Variants in NHSL3 observed in about 807,000 individuals in gnomAD.
NHSL3 encodes the protein NHS like 3, also known as NHS-like protein 3.
At chr1:32,756,680 AAGAAT>A in the NHSL3 span, among the ~76,000 whole-genome samples, 1 of 148,372 alleles carries the variant, frequency 6.7e-6, no homozygotes, top group Non-Finnish European at 1.5e-5. Flanking sequence ...AAAAAAAAAA[AAGAAT>A]GGGCTGGATG....
the NHSL3 span, among the ~76,000 whole-genome samples, chr1:32,753,736 G>A: frequency 5.9e-5 from 9 of 152,230 alleles, no homozygotes; most frequent in African/African-American, 1.9e-4. Flanking sequence ...CGTTCTCCCA[G>A]CTCCATTGCA....
chr1:32,768,741 G>A, the NHSL3 span: 43 of 1,613,944 alleles, frequency 2.7e-5, no homozygotes, highest in South Asian at 1.4e-4. Context: ...CAGAGGACGC[G>A]CTCTCCATCC....
chr1:32,761,316 C>G, the NHSL3 span, among the ~76,000 whole-genome samples: 29 of 152,284 alleles, frequency 1.9e-4, no homozygotes, highest in African/African-American at 6.7e-4. Flanking sequence ...GTGTATAGAT[C>G]TGGGGTGACT....
At chr1:32,757,389 A>C in the NHSL3 span, among the ~76,000 whole-genome samples, 1 of 151,046 alleles carries the variant, frequency 6.6e-6, no homozygotes, top group East Asian at 2.0e-4. Context: ...GTGGAGGCTC[A>C]GAGACTGTTG....
chr1:32,767,134 T>C, the NHSL3 span, among the ~76,000 whole-genome samples: 1 of 152,168 alleles, frequency 6.6e-6, no homozygotes, highest in Admixed American at 6.5e-5. Context: ...ATGCCAGCTG[T>C]CTCTCCTTCC....
the NHSL3 span, chr1:32,773,632 C>T: frequency 6.5e-6 from 1 of 152,902 alleles, no homozygotes; most frequent in Non-Finnish European, 1.5e-5. Flanking sequence ...TGCCAGGGCC[C>T]AAAGAAATGG....
At chr1:32,748,572 C>T in the NHSL3 span, among the ~76,000 whole-genome samples, 5 of 152,164 alleles carry the variant, frequency 3.3e-5, no homozygotes, top group African/African-American at 1.2e-4. Flanking sequence ...CCCTCAGGGC[C>T]TGGTGTCAGT....
chr1:32,767,639 A>C, the NHSL3 span: 1 of 660,702 alleles, frequency 1.5e-6, no homozygotes, highest in East Asian at 2.6e-5. Context: ...ACTGTGGGTT[A>C]TGTGTCCAGA....
At chr1:32,765,644 G>A in the NHSL3 span, 9 of 1,531,442 alleles carry the variant, frequency 5.9e-6, no homozygotes, top group Admixed American at 1.4e-4. Context: ...GTCTGGAGCC[G>A]GTGCTCTGCG....
At chr1:32,743,153 T>C in the NHSL3 span, among the ~76,000 whole-genome samples, 1 of 152,180 alleles carries the variant, frequency 6.6e-6, no homozygotes, top group African/African-American at 2.4e-5. Context: ...TGGAGCTCCC[T>C]TGGGGCTTGC....
At chr1:32,764,748 C>T in the NHSL3 span, among the ~76,000 whole-genome samples, 1 of 152,222 alleles carries the variant, frequency 6.6e-6, no homozygotes, top group Non-Finnish European at 1.5e-5. Flanking sequence ...GCTGGGATTA[C>T]AGGCGTGAGC....
chr1:32,769,732 C>T, the NHSL3 span: 34 of 1,608,912 alleles, frequency 2.1e-5, no homozygotes, highest in African/African-American at 1.7e-4. Flanking sequence ...GCGGCGTCGG[C>T]GGGAGCGGCG....
the NHSL3 span, chr1:32,765,957 G>A: frequency 1.2e-6 from 1 of 858,832 alleles, no homozygotes; most frequent in Non-Finnish European, 1.8e-6. Flanking sequence ...AATGAGGCCA[G>A]AATCTCCCAT....
chr1:32,764,442 G>A, the NHSL3 span, among the ~76,000 whole-genome samples: 1 of 151,980 alleles, frequency 6.6e-6, no homozygotes, highest in Admixed American at 6.6e-5. Flanking sequence ...TGCTGATCAA[G>A]TGAATGGATA....
chr1:32,749,740 C>G, the NHSL3 span, among the ~76,000 whole-genome samples: 2 of 152,094 alleles, frequency 1.3e-5, no homozygotes, highest in African/African-American at 2.4e-5. Context: ...CCTTCAGGGG[C>G]TCCTTCCAGC....
At chr1:32,750,486 C>T in the NHSL3 span, among the ~76,000 whole-genome samples, 1 of 152,086 alleles carries the variant, frequency 6.6e-6, no homozygotes, top group Non-Finnish European at 1.5e-5. Flanking sequence ...CAAGTCTAGC[C>T]AAGTGAGGTC....
the NHSL3 span, among the ~76,000 whole-genome samples, chr1:32,757,455 G>A: frequency 1.3e-5 from 2 of 152,024 alleles, no homozygotes; most frequent in South Asian, 4.1e-4. Flanking sequence ...TGGGGGTTGT[G>A]GGAGTGGAGA....
chr1:32,771,404 C>A, the NHSL3 span: 56 of 1,588,230 alleles, frequency 3.5e-5, no homozygotes, highest in Non-Finnish European at 4.6e-5. Context: ...CCACCCCCAC[C>A]ACCCACTAAG....
the NHSL3 span, chr1:32,765,885 C>A: frequency 1.4e-6 from 2 of 1,461,364 alleles, no homozygotes; most frequent in African/African-American, 1.4e-5. Context: ...CTTTCCCAGA[C>A]CCTTATGTAG....
Sources: allele counts gnomAD v4.1 joint callset (sites outside exome capture counted in the v4.1 genomes callset), GRCh38; gene constraint gnomAD v4.1.1; transcripts MANE v1.5; gene names NCBI Gene and HGNC (gene_info 2026-07-23, HGNC 2026-07-21).